Variants in DPP4 observed in about 807,000 individuals in gnomAD.
DPP4 encodes dipeptidyl peptidase 4.
In DPP4, 93 loss-of-function variants were observed where a neutral mutation model predicts 122.4. That is an observed-to-expected ratio of 0.76 (90% CI 0.64 to 0.90). The LOEUF (loss-of-function observed/expected upper bound fraction) is 0.90. Ranked by LOEUF, DPP4 falls within the 40% of genes least tolerant of loss-of-function variation. The probability of loss-of-function intolerance (pLI) is 0.00; values close to 1 mark genes in which losing one functional copy is unlikely to be tolerated. For missense variants in DPP4, 914 were observed against 907.3 expected, an observed-to-expected ratio of 1.01 and a Z score of -0.09; for synonymous variants, 321 against 302.9, an observed-to-expected ratio of 1.06 and a Z score of -0.62.
rs149816728 is a variant in DPP4 at position 162,042,580 on chromosome 2, G to A, written c.366+2952C>T. Among the ~76,000 whole-genome samples the A allele has an allele frequency of 4.7e-4, 71 of 150,568 alleles. 1 individual carries two copies. In the East Asian group the frequency reaches 0.012, roughly 26 times the overall value. On this transcript the variant is annotated intron_variant, in intron 5 of 25. Transcript: ENST00000360534. ...TTCATAAGAGTCACTTAGTCAAAAC[G>A]TATATGCTGTACAGAAAATTCTACT...
At chr2:162,069,360 C>A (rs1279277194) in intron 2 of DPP4, among the ~76,000 whole-genome samples, 1 of 152,198 alleles carries the variant, frequency 6.6e-6, no homozygotes, top group African/African-American at 2.4e-5. Context: ...CCACATTCTC[C>A]ATGGGCCTCA....
chr2:162,025,003 G>T, intron 10 of DPP4, 64 bp from the exon 11 acceptor site: 1 of 1,561,964 alleles, frequency 6.4e-7, no homozygotes. Context: ...CCAGACCTTG[G>T]TACAAATAGA....
intron 19 of DPP4, among the ~76,000 whole-genome samples, chr2:162,012,982 G>A (rs1415406679): frequency 2.0e-5 from 3 of 152,034 alleles, no homozygotes; most frequent in Non-Finnish European, 4.4e-5. Flanking sequence ...ACAGGAAAAT[G>A]CATTCATGCA....
At chr2:162,036,942 A>T (rs1030427255) in intron 8 of DPP4, among the ~76,000 whole-genome samples, 1 of 152,240 alleles carries the variant, frequency 6.6e-6, no homozygotes, top group Non-Finnish European at 1.5e-5. Flanking sequence ...TCTGGTCTAT[A>T]ACACAGCTGC....
chr2:162,055,561 A>G (rs888288313), intron 2 of DPP4, among the ~76,000 whole-genome samples: 2 of 151,884 alleles, frequency 1.3e-5, no homozygotes, highest in African/African-American at 4.8e-5. Context: ...TCATCCTGGC[A>G]TGGTGTACCT....
At chr2:162,044,430 G>A (rs1299874270) in intron 5 of DPP4, among the ~76,000 whole-genome samples, 2 of 150,728 alleles carry the variant, frequency 1.3e-5, no homozygotes, top group African/African-American at 4.9e-5. Flanking sequence ...GTGTTGGTGG[G>A]TGAGTGTTGG....
chr2:162,043,744 C>A (rs1220620467), intron 5 of DPP4, among the ~76,000 whole-genome samples: 1 of 152,184 alleles, frequency 6.6e-6, no homozygotes, highest in Non-Finnish European at 1.5e-5. Context: ...TATACTGAGG[C>A]TCATCAGGCA....
intron 5 of DPP4, among the ~76,000 whole-genome samples, chr2:162,039,898 A>G (rs1297942205): frequency 6.6e-6 from 1 of 152,092 alleles, no homozygotes; most frequent in Non-Finnish European, 1.5e-5. Flanking sequence ...CGAAAAGACT[A>G]GTAAAATTGC....
intron 23 of DPP4, among the ~76,000 whole-genome samples, chr2:161,996,995 C>A (rs1701024170): frequency 6.6e-6 from 1 of 152,144 alleles, no homozygotes; most frequent in Non-Finnish European, 1.5e-5. Context: ...ATTTCTGATG[C>A]TGATGTGAGA....
chr2:162,036,940 A>G (rs949034516), intron 8 of DPP4, among the ~76,000 whole-genome samples: 1 of 152,248 alleles, frequency 6.6e-6, no homozygotes, highest in African/African-American at 2.4e-5. Flanking sequence ...ATTCTGGTCT[A>G]TAACACAGCT....
chr2:162,018,661 A>G (rs771454735), intron 16 of DPP4, 68 bp downstream of exon 16: 10 of 1,564,924 alleles, frequency 6.4e-6, no homozygotes, highest in Non-Finnish European at 8.6e-6. Context: ...TTCAAAAGGA[A>G]TAGAGGGAGC....
At chr2:162,035,695 C>T (rs559544295) in intron 8 of DPP4, among the ~76,000 whole-genome samples, 2 of 152,082 alleles carry the variant, frequency 1.3e-5, no homozygotes, top group Non-Finnish European at 2.9e-5. Flanking sequence ...AGTCAACATG[C>T]CAGCATACTC....
chr2:162,011,777 T>A lies in DPP4; in HGVS notation c.1832+16A>T. 6.2e-7 allele frequency: 1 copy of A among 1,610,820 alleles called. No homozygotes were observed. Among genetic ancestry groups the A allele is most frequent in the South Asian group, 1.1e-5 (1 of 90,850 alleles). The stretch of plus-strand genomic sequence containing the variant: ...AAAAATCAGATGACCTTTGACTTCA[T>A]CTCCTAGTCACTCACCTGGCTGCTT... On this transcript the variant is annotated intron_variant, in intron 20 of 25. Transcript: ENST00000360534.
intron 17 of DPP4, 115 bp from the exon 18 acceptor site, chr2:162,016,981 A>AT: frequency 7.1e-7 from 1 of 1,403,740 alleles, no homozygotes; most frequent in African/African-American, 1.4e-5. Context: ...ACTTCAGGTT[A>AT]TAAGGCTTGT....
intron 14 of DPP4, 80 bp from the exon 15 acceptor site, chr2:162,019,356 A>G: frequency 1.0e-6 from 1 of 998,468 alleles, no homozygotes; most frequent in Non-Finnish European, 1.5e-6. Context: ...TCAGACCCCA[A>G]GCCTAAGTGT....
At chr2:162,012,482 T>C (rs2106090646) in intron 19 of DPP4, among the ~76,000 whole-genome samples, 1 of 152,240 alleles carries the variant, frequency 6.6e-6, no homozygotes, top group South Asian at 2.1e-4. Flanking sequence ...TTGCTCACAA[T>C]GACTGTAAAT....
At chr2:162,022,134 C>T (rs1264322420) in intron 12 of DPP4, among the ~76,000 whole-genome samples, 1 of 152,182 alleles carries the variant, frequency 6.6e-6, no homozygotes, top group Non-Finnish European at 1.5e-5. Context: ...CAACTCATTA[C>T]ATTCTATGGC....
At chr2:162,011,600 A>G (rs1347192491) in intron 20 of DPP4, among the ~76,000 whole-genome samples, 193 bp downstream of exon 20, 2 of 151,904 alleles carry the variant, frequency 1.3e-5, no homozygotes, top group East Asian at 1.9e-4. Flanking sequence ...TTTTTTTTGA[A>G]CTTCATATCA....
intron 23 of DPP4, among the ~76,000 whole-genome samples, chr2:161,998,058 C>T (rs994633044): frequency 1.5e-4 from 23 of 152,114 alleles, no homozygotes; most frequent in African/African-American, 3.9e-4. Flanking sequence ...AGACCCATGC[C>T]GTCTCAGACT....
Sources: allele counts gnomAD v4.1 joint callset (sites outside exome capture counted in the v4.1 genomes callset), GRCh38; gene constraint gnomAD v4.1.1; transcripts MANE v1.5; gene names NCBI Gene and HGNC (gene_info 2026-07-23, HGNC 2026-07-21).